ATXN10: variants seen among roughly 807,000 people sequenced by gnomAD.
ATXN10 encodes ataxin 10, also known as ataxin-10.
Under a neutral mutation model 52.9 loss-of-function variants are expected in ATXN10, and 28 were observed. The ratio of observed to expected loss-of-function variants is 0.53; its 90% CI spans 0.39 to 0.73. The LOEUF is 0.73. Ranked by LOEUF, ATXN10 falls within the 30% of genes least tolerant of loss-of-function variation. ATXN10 has a pLI of 0.00. For synonymous variants in ATXN10, 226 were observed against 221.5 expected, an observed-to-expected ratio of 1.02 and a Z score of -0.18; for missense variants, 565 against 577.0, an observed-to-expected ratio of 0.98 and a Z score of 0.21.
At chr22:45,779,849 G>C (rs906983681) in intron 9 of ATXN10, among the ~76,000 whole-genome samples, 1 of 151,996 alleles carries the variant, frequency 6.6e-6, no homozygotes, top group African/African-American at 2.4e-5. Flanking sequence ...ACTTTATTTG[G>C]AAACATGCCA....
rs1043477098 is a variant in ATXN10 at position 45,696,293 on chromosome 22, C to A, written c.391+3215C>A. On this transcript the variant is annotated intron_variant, in intron 3 of 11. Coordinates refer to ENST00000252934, the MANE Select transcript of ATXN10 (RefSeq NM_013236.4). This position sits in a 1 kb window ranked among gnomAD's most constrained non-coding sequence, Gnocchi z 4.7. Reference sequence around the variant, plus strand: ...CTTGGAAGGGCAGCTATTTTGAGGTCTCTGTGTGGTATAGTAATTGAGAAA... The same window carrying A: ...CTTGGAAGGGCAGCTATTTTGAGGTATCTGTGTGGTATAGTAATTGAGAAA... 3.9e-5 allele frequency among the ~76,000 whole-genome samples: 6 copies of A among 152,138 alleles called. No homozygotes were observed. The highest frequency in any genetic ancestry group is 7.3e-5 in the Non-Finnish European group (5 of 68,038).
At chr22:45,793,035 G>T in intron 9 of ATXN10, 1 of 288,016 alleles carries the variant, frequency 3.5e-6, no homozygotes, top group Non-Finnish European at 7.2e-6. Context: ...CCTTTTGCAG[G>T]CTCTGCAGTT....
In ATXN10 at chr22:45,820,977, GA is replaced by G. The variant is rs1257971153; in HGVS notation, c.1237+13956del. The stretch of plus-strand genomic sequence containing the variant: ...CCTTTAAGATTTTTCACCTGAATAT[GA>G]CGAGACTTAACTTTTACAAGAGAGT... On this transcript the variant is annotated intron_variant, in intron 10 of 11. Coordinates refer to ENST00000252934, the MANE Select transcript of ATXN10 (RefSeq NM_013236.4). The surrounding 1 kb of genome is among the most constrained non-coding windows in gnomAD (Gnocchi z 4.9). Among the ~76,000 whole-genome samples the G allele has an allele frequency of 6.6e-6, 1 of 152,176 alleles. No homozygotes were observed. The highest frequency in any genetic ancestry group is 1.5e-5 in the Non-Finnish European group (1 of 68,042).
At position 45,678,198 on chromosome 22, in the gene ATXN10, A is replaced by T. The variant is rs910813669; in HGVS notation, c.116+6019A>T. ...AATATAATTAAAGCCATTGAACTGT[A>T]GACTTAAAATGAACAACATGGCAAA... On this transcript the variant is annotated intron_variant, in intron 1 of 11. Coordinates refer to ENST00000252934, the MANE Select transcript of ATXN10 (RefSeq NM_013236.4). This position sits in a 1 kb window ranked among gnomAD's most constrained non-coding sequence, Gnocchi z 4.1. 1 of 152,220 alleles carries T rather than the reference A, an allele frequency of 6.6e-6. No individual in the cohort carries two copies. The highest frequency in any genetic ancestry group is 2.4e-5 in the African/African-American group (1 of 41,460). 9.4% of individuals were successfully genotyped at this position (152,220 alleles called of 1,614,324 possible).
chr22:45,745,032 G>A (rs562477612), intron 9 of ATXN10, among the ~76,000 whole-genome samples: 65 of 152,100 alleles, frequency 4.3e-4, no homozygotes, highest in Non-Finnish European at 8.4e-4. Context: ...GACTTGTGTA[G>A]TATTTCCTTG....
Position 45,795,856 on chromosome 22 carries a change from G to A in ATXN10, c.1174-11103G>A, listed in dbSNP as rs549997643. ...TATCTTAATCTCGTCATCTTCATAAGCTGAGGATGTATGTCACCTCAGGAT... is the reference window on the plus strand; with the variant it reads ...TATCTTAATCTCGTCATCTTCATAAACTGAGGATGTATGTCACCTCAGGAT... On this transcript the variant is annotated intron_variant, in intron 9 of 11. Coordinates refer to ENST00000252934, the MANE Select transcript of ATXN10 (RefSeq NM_013236.4). The surrounding 1 kb of genome is among the most constrained non-coding windows in gnomAD (Gnocchi z 4.6). Among the ~76,000 whole-genome samples, 1 of 152,096 alleles carries A rather than the reference G, an allele frequency of 6.6e-6. No homozygotes were observed. Among genetic ancestry groups the A allele is most frequent in the Non-Finnish European group, 1.5e-5 (1 of 68,014 alleles).
At position 45,844,224 on chromosome 22, in the gene ATXN10, C is replaced by G. The variant is rs1929439165; in HGVS notation, c.*553C>G. 6.1e-6 allele frequency: 1 copy of G among 164,712 alleles called. No individual in the cohort carries two copies. Among genetic ancestry groups the G allele is most frequent in the Non-Finnish European group, 1.3e-5 (1 of 75,452 alleles). 10.2% of individuals were successfully genotyped at this position (164,712 alleles called of 1,614,324 possible). ...CTCTTCATTTTGGGTACTGGGCTGT[C>G]TTGTCACTGAGCCCTATCCCTTTGG... is the stretch of plus-strand genomic sequence containing the variant. On this transcript the variant is annotated 3_prime_UTR_variant, in exon 12 of 12. Coordinates refer to ENST00000252934, the MANE Select transcript of ATXN10 (RefSeq NM_013236.4).
Position 45,728,012 on chromosome 22 carries a change from T to C in ATXN10, c.729-1413T>C, listed in dbSNP as rs1288339974. On this transcript the variant is annotated intron_variant, in intron 6 of 11. Coordinates refer to ENST00000252934, the MANE Select transcript of ATXN10 (RefSeq NM_013236.4). The surrounding 1 kb of genome is among the most constrained non-coding windows in gnomAD (Gnocchi z 4.3). ...GTGAGTCTCTTGAAGACAGCAGGTA[T>C]TTGGTTTGTGATTTTTTTTTTTAAT... 1.3e-5 allele frequency among the ~76,000 whole-genome samples: 2 copies of C among 152,138 alleles called. No individual in the cohort carries two copies. Among genetic ancestry groups the C allele is most frequent in the Admixed American group, 1.3e-4 (2 of 15,272 alleles).
At chr22:45,737,694 T>C (rs923068814) in intron 7 of ATXN10, among the ~76,000 whole-genome samples, 2 of 141,922 alleles carry the variant, frequency 1.4e-5, no homozygotes, top group African/African-American at 5.2e-5. Context: ...TTATCTCTTT[T>C]TTTTTTTTTT....
In ATXN10 at chr22:45,700,298, G is replaced by A; in HGVS notation, c.408G>A (p.Leu136=). The change falls in exon 4 of 12, where the codon CTG becomes CTA. Residue 136 remains leucine (L), a synonymous_variant. Transcript: ENST00000252934. ...ESLLTAFRCG[L]QFLGNIASRN... ...TATTCTTAGCTTTTCGCTGTGGCCT[G>A]CAGTTTTTAGGCAACATTGCCTCAC... 1 of 1,612,898 alleles carries A rather than the reference G, an allele frequency of 6.2e-7. No individual in the cohort carries two copies. Among genetic ancestry groups the A allele is most frequent in the Non-Finnish European group, 8.5e-7 (1 of 1,178,964 alleles).
chr22:45,706,574 A>G (rs1924049700), intron 5 of ATXN10, among the ~76,000 whole-genome samples: 1 of 152,238 alleles, frequency 6.6e-6, no homozygotes, highest in South Asian at 2.1e-4. Context: ...TTAGCATCCC[A>G]TAATTTAGGA....
intron 9 of ATXN10, among the ~76,000 whole-genome samples, chr22:45,746,155 G>T (rs1246678043): frequency 6.6e-6 from 1 of 151,722 alleles, no homozygotes; most frequent in Non-Finnish European, 1.5e-5. Flanking sequence ...TCTGAATGCG[G>T]TTTTTTCATT....
At position 45,810,120 on chromosome 22, in the gene ATXN10, T is replaced by C. The variant is rs906090074; in HGVS notation, c.1237+3098T>C. ...GTGTACGGAGTGTGTTAGGATCTAT[T>C]TCTATTCTCTCCAGATGGCACACAA... On this transcript the variant is annotated intron_variant, in intron 10 of 11. Transcript: ENST00000252934. Among the ~76,000 whole-genome samples the C allele has an allele frequency of 4.6e-5, 7 of 152,330 alleles. No individual in the cohort carries two copies. In the East Asian group the frequency reaches 1.4e-3, roughly 29 times the overall value.
chr22:45,807,894 G>C (rs915058245), intron 10 of ATXN10, among the ~76,000 whole-genome samples: 1 of 152,130 alleles, frequency 6.6e-6, no homozygotes, highest in Non-Finnish European at 1.5e-5. Context: ...AGGAGACTGA[G>C]GAGGGGGGCA....
At chr22:45,813,272 G>A (rs926655770) in intron 10 of ATXN10, among the ~76,000 whole-genome samples, 3 of 150,394 alleles carry the variant, frequency 2.0e-5, no homozygotes, top group Non-Finnish European at 3.0e-5. Flanking sequence ...TTTATTTGAA[G>A]TGTTTTTTCT....
intron 6 of ATXN10, among the ~76,000 whole-genome samples, chr22:45,724,412 G>A (rs1292445981): frequency 1.3e-5 from 2 of 152,082 alleles, no homozygotes; most frequent in African/African-American, 4.8e-5. Context: ...GCATTTCCCT[G>A]ATGACTAGTG....
chr22:45,839,834 C>G (rs1025545025), intron 10 of ATXN10, among the ~76,000 whole-genome samples: 1 of 152,190 alleles, frequency 6.6e-6, no homozygotes, highest in African/African-American at 2.4e-5. Flanking sequence ...CTCTCAAACC[C>G]TAAAAAGCCC....
At chr22:45,808,227 A>T (rs1351728121) in intron 10 of ATXN10, among the ~76,000 whole-genome samples, 2 of 152,206 alleles carry the variant, frequency 1.3e-5, no homozygotes, top group Non-Finnish European at 2.9e-5. Flanking sequence ...AAAGGAAAGA[A>T]AAAAGAAGAA....
Position 45,702,819 on chromosome 22 carries a change from T to C in ATXN10, c.619T>C (p.Tyr207His). 6.2e-7 allele frequency: 1 copy of C among 1,613,934 alleles called. No homozygotes were observed. The highest frequency in any genetic ancestry group is 8.5e-7 in the Non-Finnish European group (1 of 1,179,972). Residue 207 changes from tyrosine to histidine, a missense_variant, in exon 5 of 12, where the codon TAC becomes CAC. By Grantham distance (83) the Tyr-to-His change is moderately conservative. Transcript: ENST00000252934. ...LNIAIDVIDAYQKHPESEWPF... is the reference protein window; with the variant it reads ...LNIAIDVIDAHQKHPESEWPF... ...TATTGCAATTGATGTCATAGATGCT[T>C]ACCAAAAACATCCTGAATCAGAATG...
Sources: allele counts gnomAD v4.1 joint callset (sites outside exome capture counted in the v4.1 genomes callset), GRCh38; gene constraint gnomAD v4.1.1; non-coding constraint Gnocchi (gnomAD v3.1); transcripts MANE v1.5; gene names NCBI Gene and HGNC (gene_info 2026-07-23, HGNC 2026-07-21).